Variants in ZNF277 observed in about 807,000 individuals in gnomAD.
ZNF277 encodes nuclear receptor-interacting factor 4.
In ZNF277, 55 loss-of-function variants were observed where a neutral mutation model predicts 60.7. The ratio of observed to expected loss-of-function variants is 0.91; its 90% CI spans 0.73 to 1.13. The LOEUF (loss-of-function observed/expected upper bound fraction) is 1.13. ZNF277 is among the 50% of genes most tolerant of loss of function. The pLI, the probability that ZNF277 is intolerant of heterozygous loss-of-function variation, is 0.00. For synonymous variants in ZNF277, 178 were observed against 179.3 expected (o/e 0.99, Z 0.06); for missense variants, 510 against 523.0 (o/e 0.98, Z 0.24).
At chr7:112,211,172 G>A (rs987983743) in intron 1 of ZNF277, among the ~76,000 whole-genome samples, 5 of 152,226 alleles carry the variant, frequency 3.3e-5, no homozygotes, top group African/African-American at 7.2e-5. Context: ...GTCTCTGGAA[G>A]AAAGAGGGAA....
intron 1 of ZNF277, among the ~76,000 whole-genome samples, chr7:112,208,273 G>GA (rs1448531853): frequency 6.6e-6 from 1 of 152,076 alleles, no homozygotes; most frequent in African/African-American, 2.4e-5. Flanking sequence ...TACTCGGGAG[G>GA]CCGAGGCAGG....
Position 112,330,004 on chromosome 7 carries a change from A to T in ZNF277, c.669-80A>T, listed in dbSNP as rs183212372. The T allele has an allele frequency of 3.0e-4, 436 of 1,469,898 alleles. 1 individual carries two copies. The highest frequency in any genetic ancestry group is 7.7e-5 in the Non-Finnish European group (85 of 1,096,866). The allele number at this position is 1,469,898 out of a possible 1,614,324, so 91.1% of individuals were successfully genotyped here. On this transcript the variant is annotated intron_variant, in intron 6 of 11. Transcript: ENST00000361822. ...GCTGTGTAACCTAAAATGAATAAAT[A>T]TGAAACTCAATAATAATAAAGGATT...
At chr7:112,270,946 A>ACCATCAAGAAAT (rs142672583) in intron 1 of ZNF277, among the ~76,000 whole-genome samples, 17,890 of 151,968 alleles carry the variant, frequency 0.12, 1,666 homozygotes, top group African/African-American at 0.25. Context: ...TATCCCAGCC[A>ACCATCAAGAAAT]TACATTAGAA....
intron 9 of ZNF277, among the ~76,000 whole-genome samples, chr7:112,338,130 T>C (rs1793368907): frequency 6.6e-6 from 1 of 152,156 alleles, no homozygotes; most frequent in Admixed American, 6.5e-5. Flanking sequence ...TTCCAGTGCT[T>C]CTTGTGCTGG....
intron 1 of ZNF277, among the ~76,000 whole-genome samples, chr7:112,211,998 G>A (rs7790943): frequency 0.93 from 140,922 of 152,298 alleles, 65,421 homozygotes; most frequent in Middle Eastern, 0.98. Context: ...AGGAACTGAA[G>A]TAGAATAAAA....
Position 112,330,184 on chromosome 7 carries a change from G to C in ZNF277, c.769G>C (p.Glu257Gln), listed in dbSNP as rs762169583. The C allele has an allele frequency of 1.2e-6, 2 of 1,612,834 alleles. No individual in the cohort carries two copies. Among genetic ancestry groups the C allele is most frequent in the Admixed American group, 3.3e-5 (2 of 59,982 alleles). The change falls in exon 7 of 12, where the codon GAA becomes CAA. Residue 257 changes from glutamate to glutamine, a missense_variant. Coordinates refer to ENST00000361822, the MANE Select transcript of ZNF277 (RefSeq NM_021994.3). ...TCGTAAGATTAATCCTAAGAACAGA[G>C]AATATGACAGATTTTATGTCATCAA... ...QHRKINPKNREYDRFYVINYL... is the reference protein window; with the variant it reads ...QHRKINPKNRQYDRFYVINYL...
intron 5 of ZNF277, among the ~76,000 whole-genome samples, chr7:112,322,020 C>T (rs143910218): frequency 6.6e-6 from 1 of 151,560 alleles, no homozygotes; most frequent in East Asian, 1.9e-4. Flanking sequence ...GTCTTCGGGA[C>T]AGAAGAAAAA....
At chr7:112,297,688 C>G (rs570587886) in intron 4 of ZNF277, among the ~76,000 whole-genome samples, 21 of 152,268 alleles carry the variant, frequency 1.4e-4, no homozygotes, top group African/African-American at 5.1e-4. Context: ...ATGAAATCTG[C>G]AAAACAAGGC....
rs377447375 is a variant in ZNF277, at chr7:112,310,454, T to TGAGAGAGAGAGAGAGAGA, written c.466-7720_466-7703dup. On this transcript the variant is annotated intron_variant, in intron 4 of 11. Transcript: ENST00000361822. ...TTAGGGCCTACCTTTAGGTTAGGTTTGAGAGAGAGAGAGAGAGAGAGAGAG... is the reference window on the plus strand; with the variant it reads ...TTAGGGCCTACCTTTAGGTTAGGTTTGAGAGAGAGAGAGAGAGAGAGAGAGAGAGAGAGAGAGAGAGAG... Among the ~76,000 whole-genome samples the TGAGAGAGAGAGAGAGAGA allele has an allele frequency of 1.9e-3, 217 of 117,264 alleles. 5 individuals are homozygous for TGAGAGAGAGAGAGAGAGA. The highest frequency in any genetic ancestry group is 6.1e-3 in the Admixed American group (76 of 12,416). The allele number at this position is 117,264 out of a possible 152,430, so 76.9% of individuals were successfully genotyped here.
intron 7 of ZNF277, chr7:112,330,562 TTTTTTTTTTC>T (rs1793206397): frequency 3.8e-6 from 1 of 265,214 alleles, no homozygotes; most frequent in African/African-American, 2.2e-5. Context: ...TTTTTTTTTT[TTTTTTTTTTC>T]TTTTTTTCTT....
rs1224134204 is a variant in ZNF277 at position 112,330,207 on chromosome 7, CAATT to C, written c.794_797del (p.Asn265IlefsTer67). The C allele has an allele frequency of 2.5e-6, 4 of 1,612,216 alleles. No homozygotes were observed. In the African/African-American group the frequency reaches 5.3e-5, roughly 22 times the overall value. ...GAGAATATGACAGATTTTATGTCAT[CAATT>C]ATTTGGTAAGGCTTTCTTTTCATAA... On this transcript the variant is annotated frameshift_variant, in exon 7 of 12. Coordinates refer to ENST00000361822, the MANE Select transcript of ZNF277 (RefSeq NM_021994.3). LOFTEE classifies it high-confidence loss of function.
chr7:112,260,069 C>T (rs1791408558), intron 1 of ZNF277, among the ~76,000 whole-genome samples: 1 of 152,132 alleles, frequency 6.6e-6, no homozygotes, highest in Admixed American at 6.6e-5. Flanking sequence ...GAGTTGGAGA[C>T]CAGCCTGGGC....
chr7:112,339,743 T>A, intron 9 of ZNF277, 100 bp from the exon 10 acceptor site: 1 of 1,217,996 alleles, frequency 8.2e-7, no homozygotes, highest in East Asian at 2.3e-5. Context: ...TCAGACTGAG[T>A]TTCTAAACTA....
chr7:112,277,693 T>C (rs2117047616), intron 1 of ZNF277, among the ~76,000 whole-genome samples: 1 of 152,346 alleles, frequency 6.6e-6, no homozygotes, highest in East Asian at 1.9e-4. Flanking sequence ...ACAGAGTAGA[T>C]ATAGAGCATT....
At chr7:112,320,605 A>T (rs988510740) in intron 5 of ZNF277, among the ~76,000 whole-genome samples, 2 of 152,096 alleles carry the variant, frequency 1.3e-5, no homozygotes, top group Non-Finnish European at 2.9e-5. Flanking sequence ...GTTACCATAC[A>T]TCTACTTTTT....
chr7:112,238,940 C>T (rs901938069), intron 1 of ZNF277, among the ~76,000 whole-genome samples: 1 of 151,970 alleles, frequency 6.6e-6, no homozygotes, highest in Non-Finnish European at 1.5e-5. Flanking sequence ...TTAGACACAT[C>T]CTGGACCAGA....
intron 7 of ZNF277, among the ~76,000 whole-genome samples, chr7:112,332,114 T>C (rs971515214): frequency 6.6e-6 from 1 of 152,212 alleles, no homozygotes; most frequent in African/African-American, 2.4e-5. Flanking sequence ...ACGGATTTGA[T>C]GTGGCGTGGA....
intron 1 of ZNF277, among the ~76,000 whole-genome samples, chr7:112,276,309 G>A (rs1791792388): frequency 6.6e-6 from 1 of 152,206 alleles, no homozygotes; most frequent in South Asian, 2.1e-4. Flanking sequence ...TAGGATAGTT[G>A]CCAAATATTC....
intron 4 of ZNF277, among the ~76,000 whole-genome samples, chr7:112,296,908 A>ATTTATTTAT (rs1792356183): frequency 5.4e-5 from 2 of 37,180 alleles, no homozygotes; most frequent in African/African-American, 2.3e-4. Flanking sequence ...TTATTTATTT[A>ATTTATTTAT]TTTATTTTTT....
Sources: gnomAD v4.1 joint callset for allele counts (sites outside exome capture counted in the v4.1 genomes callset) on GRCh38, gnomAD v4.1.1 for gene constraint, MANE v1.5 for transcripts, NCBI Gene and HGNC (gene_info 2026-07-23, HGNC 2026-07-21) for gene names.